The following PTPRO variants were observed in gnomAD, a reference collection of about 807,000 sequenced individuals.
The protein encoded by PTPRO is protein tyrosine phosphatase receptor type O.
Under a neutral mutation model 145.2 loss-of-function variants are expected in PTPRO, and 62 were observed. The observed-to-expected ratio is 0.43, with a 90% CI of 0.35 to 0.53. PTPRO has a LOEUF of 0.53. Ranked by LOEUF, PTPRO falls within the 20% of genes least tolerant of loss-of-function variation. PTPRO has a pLI of 0.01. For synonymous variants in PTPRO, 565 were observed against 514.7 expected (o/e 1.10, Z -1.32); for missense variants, 1,345 against 1,482.7 (o/e 0.91, Z 1.53).
At chr12:15,331,989 G>A (rs1233192009) in intron 1 of PTPRO, among the ~76,000 whole-genome samples, 1 of 118,812 alleles carries the variant, frequency 8.4e-6, no homozygotes, top group African/African-American at 3.1e-5. Context: ...TTTTGACAGA[G>A]TCTTGTTGCT....
chr12:15,450,413 T>C (rs1941015028), intron 1 of PTPRO, among the ~76,000 whole-genome samples: 1 of 152,222 alleles, frequency 6.6e-6, no homozygotes, highest in African/African-American at 2.4e-5. Context: ...GACTACTTTA[T>C]AGAAAGCTGT....
At position 15,508,684 on chromosome 12, in the gene PTPRO, A is replaced by G. The variant is rs1315111662; in HGVS notation, c.1381A>G (p.Asn461Asp). ...MSWTSSQENY[N>D]STIVSVVSLT... ...CTGGACATCTTCCCAAGAGAACTACAACAGCACCATTGTGTCTGTGGTGTC... is the reference window on the plus strand; with the variant it reads ...CTGGACATCTTCCCAAGAGAACTACGACAGCACCATTGTGTCTGTGGTGTC... The change falls in exon 7 of 27, where the codon AAC becomes GAC. Residue 461 changes from asparagine (N) to aspartate (D), a missense_variant. Asn to Asp is a conservative substitution (Grantham distance 23). This residue lies in a region of PTPRO where 1,130 missense variants were observed against 1,214.7 expected (regional missense o/e 0.93). Transcript: ENST00000281171. The G allele has an allele frequency of 6.2e-7, 1 of 1,614,088 alleles. No individual in the cohort carries two copies.
At chr12:15,421,803 T>C (rs369705593) in intron 1 of PTPRO, among the ~76,000 whole-genome samples, 11 of 152,186 alleles carry the variant, frequency 7.2e-5, no homozygotes, top group African/African-American at 2.7e-4. Flanking sequence ...TTAAACATCA[T>C]ATTGTTAAAT....
Position 15,478,318 on chromosome 12 carries a change from T to C in PTPRO, c.76-5656T>C, listed in dbSNP as rs1044952587. On this transcript the variant is annotated intron_variant, in intron 1 of 26. Coordinates refer to ENST00000281171, the MANE Select transcript of PTPRO (RefSeq NM_030667.3). ...ACCTTTCTAGTCATATTAAGGATAC[T>C]GACAATTGCTTCAATTACTAATAGA... Among the ~76,000 whole-genome samples the C allele has an allele frequency of 7.9e-5, 12 of 152,346 alleles. No homozygotes were observed. In the East Asian group the frequency reaches 2.3e-3, roughly 29 times the overall value.
chr12:15,364,808 A>G (rs575559829), intron 1 of PTPRO, among the ~76,000 whole-genome samples: 1 of 152,326 alleles, frequency 6.6e-6, no homozygotes, highest in East Asian at 1.9e-4. Context: ...ATATTTATAA[A>G]GCACTGAATC....
At chr12:15,431,637 A>T (rs922898793) in intron 1 of PTPRO, among the ~76,000 whole-genome samples, 1 of 152,208 alleles carries the variant, frequency 6.6e-6, no homozygotes, top group Non-Finnish European at 1.5e-5. Flanking sequence ...AAAGCAAATG[A>T]AAACATAAGA....
chr12:15,549,134 G>C lies in PTPRO; in HGVS notation c.2345G>C (p.Ser782Thr), dbSNP rs765390273. ...TCTTCCCATGTCGTGACCATCTCCA[G>C]CCTTCTTCCTGCCACTGCCTACAAT... ...AVSSHVVTIS[S>T]LLPATAYNCS... Residue 782 changes from serine (S) to threonine (T), a missense_variant, in exon 14 of 27, where the codon AGC (serine) becomes ACC (threonine). Ser to Thr is a moderately conservative substitution (Grantham distance 58). Transcript: ENST00000281171. 3 of 1,613,388 alleles carry C rather than the reference G, an allele frequency of 1.9e-6. No individual in the cohort carries two copies. The highest frequency in any genetic ancestry group is 2.5e-6 in the Non-Finnish European group (3 of 1,179,698).
At chr12:15,446,610 T>C (rs980678767) in intron 1 of PTPRO, among the ~76,000 whole-genome samples, 1 of 151,888 alleles carries the variant, frequency 6.6e-6, no homozygotes, top group Non-Finnish European at 1.5e-5. Flanking sequence ...TAAAATTCCA[T>C]AGGGAATGTT....
intron 1 of PTPRO, among the ~76,000 whole-genome samples, chr12:15,405,844 A>G (rs543730988): frequency 2.8e-4 from 43 of 152,344 alleles, no homozygotes; most frequent in African/African-American, 8.9e-4. Context: ...GGACCAATAC[A>G]GTTACCAATG....
intron 1 of PTPRO, among the ~76,000 whole-genome samples, chr12:15,462,285 C>T (rs138028900): frequency 1.3e-5 from 2 of 152,182 alleles, no homozygotes; most frequent in Admixed American, 6.5e-5. Flanking sequence ...TCACCATGCC[C>T]GACTAATTTT....
chr12:15,497,328 G>A lies in PTPRO; in HGVS notation c.433G>A (p.Glu145Lys), dbSNP rs551711163. ...AGTCCTGTTTGAAATACATTATCCAGAAAAATATAACGTTTTCACAAGAGT... is the reference window on the plus strand; with the variant it reads ...AGTCCTGTTTGAAATACATTATCCAAAAAAATATAACGTTTTCACAAGAGT... ...TGVLFEIHYP[E>K]KYNVFTRVNI... The change falls in exon 3 of 27, where the codon GAA becomes AAA. Residue 145 changes from glutamate to lysine, a missense_variant. Glu to Lys is a moderately conservative substitution (Grantham distance 56, BLOSUM62 1). Around this residue, in one of 3 missense-constraint regions of PTPRO, gnomAD observed 1,130 missense variants for 1,214.7 expected, o/e 0.93. Coordinates refer to ENST00000281171, the MANE Select transcript of PTPRO (RefSeq NM_030667.3). 51 of 1,609,198 alleles carry A rather than the reference G, an allele frequency of 3.2e-5. No individual in the cohort carries two copies. The East Asian group carries it at 1.1e-3, about 35-fold the overall frequency.
chr12:15,520,061 A>G, intron 9 of PTPRO, 140 bp from the exon 10 acceptor site: 1 of 593,474 alleles, frequency 1.7e-6, no homozygotes, highest in Non-Finnish European at 3.1e-6. Context: ...ATATTTTATT[A>G]TAGTAAATTT....
intron 1 of PTPRO, among the ~76,000 whole-genome samples, chr12:15,441,202 C>A (rs1256565204): frequency 2.0e-5 from 3 of 149,884 alleles, no homozygotes; most frequent in African/African-American, 7.4e-5. Context: ...CCAAGAAAAT[C>A]TCTTAAAACT....
At chr12:15,365,240 TCCTG>T (rs1182971470) in intron 1 of PTPRO, among the ~76,000 whole-genome samples, 1 of 152,122 alleles carries the variant, frequency 6.6e-6, no homozygotes, top group African/African-American at 2.4e-5. Flanking sequence ...CCACCTACCT[TCCTG>T]CCTCTTTCTC....
At chr12:15,578,026 C>T (rs1451814649) in intron 19 of PTPRO, among the ~76,000 whole-genome samples, 2 of 152,164 alleles carry the variant, frequency 1.3e-5, no homozygotes, top group South Asian at 2.1e-4. Flanking sequence ...TACCAATATA[C>T]GCAGGCAGAC....
At chr12:15,499,261 AT>A (rs1942169574) in intron 3 of PTPRO, among the ~76,000 whole-genome samples, 180 bp from the exon 4 acceptor site, 1 of 152,208 alleles carries the variant, frequency 6.6e-6, no homozygotes, top group Admixed American at 6.5e-5. Context: ...GCCCTTCAGG[AT>A]TGAGTCTAGA....
chr12:15,326,229 G>A (rs1310071054), intron 1 of PTPRO, among the ~76,000 whole-genome samples: 1 of 152,148 alleles, frequency 6.6e-6, no homozygotes, highest in East Asian at 1.9e-4. Flanking sequence ...TTTTGCTGGA[G>A]CAGCTTAGAT....
intron 1 of PTPRO, among the ~76,000 whole-genome samples, chr12:15,442,040 C>T (rs1006326357): frequency 4.6e-5 from 7 of 151,822 alleles, no homozygotes; most frequent in African/African-American, 1.7e-4. Flanking sequence ...GGCAAAGACA[C>T]AATGAAAAAA....
intron 12 of PTPRO, among the ~76,000 whole-genome samples, chr12:15,536,521 AG>A (rs1475891034): frequency 6.6e-6 from 1 of 152,222 alleles, no homozygotes; most frequent in Non-Finnish European, 1.5e-5. Flanking sequence ...GATACAGGGC[AG>A]AGAGGTAGCA....
Sources: gnomAD v4.1 joint callset for allele counts (sites outside exome capture counted in the v4.1 genomes callset) on GRCh38, gnomAD v4.1.1 for gene constraint, gnomAD v4.1.1 regional missense constraint, MANE v1.5 for transcripts, NCBI Gene and HGNC (gene_info 2026-07-23, HGNC 2026-07-21) for gene names.